The following LPCAT3 variants were observed in gnomAD, a reference collection of about 807,000 sequenced individuals.
LPCAT3 encodes the protein lysophosphatidylcholine acyltransferase 3.
A neutral mutation model predicts 63.4 loss-of-function variants in LPCAT3; 21 were observed. That is an observed-to-expected ratio of 0.33 (90% CI 0.23 to 0.48). The LOEUF (loss-of-function observed/expected upper bound fraction) is 0.48. Ranked by LOEUF, LPCAT3 falls within the 20% of genes least tolerant of loss-of-function variation. The pLI is 0.99. For missense variants in LPCAT3, 451 were observed against 590.6 expected, an observed-to-expected ratio of 0.76 and a Z score of 2.45; for synonymous variants, 242 against 227.5, an observed-to-expected ratio of 1.06 and a Z score of -0.58.
chr12:7,005,646 A>G (rs1555156815), intron 1 of LPCAT3, among the ~76,000 whole-genome samples: 2 of 152,228 alleles, frequency 1.3e-5, no homozygotes, highest in African/African-American at 2.4e-5. Flanking sequence ...GTGAAATGAT[A>G]TATCATTGTG....
At position 6,999,868 on chromosome 12, in the gene LPCAT3, T is replaced by G. The variant is rs138297051; in HGVS notation, c.152-16329A>C. Reference sequence around the variant, plus strand: ...ATTATCTGGGCTTTGGAATCAGAATTATCTAGTTTAAAATTTAGCTCTGCA... The same window carrying G: ...ATTATCTGGGCTTTGGAATCAGAATGATCTAGTTTAAAATTTAGCTCTGCA... On this transcript the variant is annotated intron_variant, in intron 1 of 12. Coordinates refer to ENST00000261407, the MANE Select transcript of LPCAT3 (RefSeq NM_005768.6). 1.7e-3 allele frequency among the ~76,000 whole-genome samples: 258 copies of G among 152,194 alleles called. 1 individual carries two copies. In the South Asian group the frequency reaches 0.031, roughly 18 times the overall value.
At chr12:6,990,916 CA>C (rs59031613) in intron 1 of LPCAT3, among the ~76,000 whole-genome samples, 877 of 68,118 alleles carry the variant, frequency 0.013, 4 homozygotes, top group Non-Finnish European at 0.024. Flanking sequence ...GACTCCAAAT[CA>C]AAAAAAAAAA....
intron 1 of LPCAT3, among the ~76,000 whole-genome samples, chr12:6,989,464 T>C (rs782043752): frequency 3.9e-5 from 6 of 151,980 alleles, no homozygotes; most frequent in South Asian, 4.2e-4. Context: ...GCGCCCGCCA[T>C]CACGCCCAGC....
In LPCAT3 at chr12:6,989,415, T is replaced by C. The variant is rs766916647; in HGVS notation, c.152-5876A>G. 2.2e-3 allele frequency among the ~76,000 whole-genome samples: 334 copies of C among 150,822 alleles called. 1 individual carries two copies. Among genetic ancestry groups the C allele is most frequent in the Non-Finnish European group, 3.5e-3 (235 of 67,722 alleles). ...AGCTCCGCCTCCCGGGTTCACGCCA[T>C]TCTCCTGCCTCAGCCTCTCCGAGTA... On this transcript the variant is annotated intron_variant, in intron 1 of 12. Transcript: ENST00000261407.
intron 1 of LPCAT3, among the ~76,000 whole-genome samples, chr12:7,015,077 C>G (rs1555157506): frequency 6.6e-6 from 1 of 152,152 alleles, no homozygotes; most frequent in East Asian, 1.9e-4. Context: ...CAATGTAAAA[C>G]ATATTTCTTA....
Position 6,987,542 on chromosome 12 carries a change from G to A in LPCAT3, c.152-4003C>T, listed in dbSNP as rs1555154945. On this transcript the variant is annotated intron_variant, in intron 1 of 12. Transcript: ENST00000261407. This position sits in a 1 kb window ranked among gnomAD's most constrained non-coding sequence, Gnocchi z 4.1. ...AGAGCCAGGAACTAGAAAGTATATA[G>A]ACTAAATGTCAATGCCTTCAATCTT... is the stretch of plus-strand genomic sequence containing the variant. 6.6e-6 allele frequency among the ~76,000 whole-genome samples: 1 copy of A among 152,190 alleles called. No individual in the cohort carries two copies. Among genetic ancestry groups the A allele is most frequent in the Non-Finnish European group, 1.5e-5 (1 of 68,032 alleles).
intron 6 of LPCAT3, 70 bp from the exon 7 acceptor site, chr12:6,979,649 G>C (rs1555153820): frequency 2.8e-6 from 3 of 1,070,742 alleles, no homozygotes; most frequent in Admixed American, 1.8e-5. Flanking sequence ...CTGACCTTCA[G>C]TTATGGAGAG....
rs186120411 is a variant in LPCAT3, at chr12:6,982,849, A to G, written c.260-67T>C. 2.7e-4 allele frequency: 271 copies of G among 992,478 alleles called. No individual in the cohort carries two copies. The African/African-American group carries it at 3.8e-3, about 14-fold the overall frequency. 61.5% of individuals were successfully genotyped at this position (992,478 alleles called of 1,614,324 possible). On this transcript the variant is annotated intron_variant, in intron 2 of 12. Transcript: ENST00000261407. Reference sequence around the variant, plus strand: ...CCACCGTCCTGAGACTTCCAATCACAACGTAATATATAAAGAAAAAATGTT... The same window carrying G: ...CCACCGTCCTGAGACTTCCAATCACGACGTAATATATAAAGAAAAAATGTT...
At chr12:7,016,021 T>C (rs782739847) in intron 1 of LPCAT3, among the ~76,000 whole-genome samples, 2 of 152,196 alleles carry the variant, frequency 1.3e-5, no homozygotes, top group African/African-American at 2.4e-5. Flanking sequence ...TTGCCCCTTA[T>C]AACTGGTTGC....
intron 1 of LPCAT3, among the ~76,000 whole-genome samples, chr12:7,005,947 G>C (rs1229553527): frequency 1.3e-5 from 2 of 152,088 alleles, no homozygotes; most frequent in Non-Finnish European, 2.9e-5. Flanking sequence ...GATCATACCA[G>C]CTGGAAATCT....
chr12:7,005,487 C>T (rs1393905546), intron 1 of LPCAT3, among the ~76,000 whole-genome samples: 1 of 152,218 alleles, frequency 6.6e-6, no homozygotes, highest in Non-Finnish European at 1.5e-5. Context: ...CATATGGTAA[C>T]TGTGAACTTT....
chr12:7,013,326 G>C (rs1946777863), intron 1 of LPCAT3, among the ~76,000 whole-genome samples: 1 of 152,214 alleles, frequency 6.6e-6, no homozygotes, highest in Non-Finnish European at 1.5e-5. Flanking sequence ...GCAGCAGGCA[G>C]GGGCTTACCA....
At chr12:6,981,706 GC>G in intron 4 of LPCAT3, 74 bp from the exon 5 acceptor site, 1 of 1,261,010 alleles carries the variant, frequency 7.9e-7, no homozygotes, top group Non-Finnish European at 1.1e-6. Flanking sequence ...ACTGAGTGCA[GC>G]CAGAAGTGTA....
chr12:6,978,954 A>G, intron 7 of LPCAT3: 1 of 452,434 alleles, frequency 2.2e-6, no homozygotes, highest in Non-Finnish European at 3.9e-6. Flanking sequence ...CTTCGTTGGC[A>G]AAGTGTTTGG....
intron 1 of LPCAT3, among the ~76,000 whole-genome samples, chr12:6,985,444 G>A (rs1398752569): frequency 1.3e-5 from 2 of 151,814 alleles, no homozygotes; most frequent in Admixed American, 1.3e-4. Flanking sequence ...CTGGTGCAGT[G>A]GCTCACGCCT....
rs188996275 is a variant in LPCAT3, at chr12:6,979,462, G to A, written c.786+9C>T. The A allele has an allele frequency of 1.9e-6, 3 of 1,586,074 alleles. No individual in the cohort carries two copies. In the African/African-American group the frequency reaches 4.0e-5, roughly 21 times the overall value. ...CAGTCATGCTGCTGCTGCTTTAGTA[G>A]ACACTCACGTCATAGTCTTCAGTGA... is the stretch of plus-strand genomic sequence containing the variant. On this transcript the variant is annotated intron_variant, in intron 7 of 12. Coordinates refer to ENST00000261407, the MANE Select transcript of LPCAT3 (RefSeq NM_005768.6).
chr12:6,991,129 C>T (rs1278046356), intron 1 of LPCAT3, among the ~76,000 whole-genome samples: 1 of 152,110 alleles, frequency 6.6e-6, no homozygotes, highest in Non-Finnish European at 1.5e-5. Flanking sequence ...AAATTTATGG[C>T]CTCTGTCTGA....
rs965257672 is a variant in LPCAT3, at chr12:6,977,952, G to A, written c.1041-207C>T. On this transcript the variant is annotated intron_variant, in intron 9 of 12. Coordinates refer to ENST00000261407, the MANE Select transcript of LPCAT3 (RefSeq NM_005768.6). This position sits in a 1 kb window ranked among gnomAD's most constrained non-coding sequence, Gnocchi z 4.5. The stretch of plus-strand genomic sequence containing the variant: ...GCGGAGCTGGAGACCGTGTGCGCAC[G>A]AGCCACTTGGTTCAGCAGCAGTGAC... 1.0e-5 allele frequency: 6 copies of A among 600,992 alleles called. No individual in the cohort carries two copies. Among genetic ancestry groups the A allele is most frequent in the Admixed American group, 3.0e-5 (1 of 33,076 alleles). 37.2% of individuals were successfully genotyped at this position (600,992 alleles called of 1,614,324 possible).
chr12:7,001,329 C>T, intron 1 of LPCAT3: 1 of 410,252 alleles, frequency 2.4e-6, no homozygotes, highest in South Asian at 1.7e-5. Context: ...TATTCTTTTT[C>T]TTAAAGAAGA....
Sources: gnomAD v4.1 joint callset for allele counts (sites outside exome capture counted in the v4.1 genomes callset) on GRCh38, gnomAD v4.1.1 for gene constraint, Gnocchi (gnomAD v3.1) non-coding constraint, MANE v1.5 for transcripts, NCBI Gene and HGNC (gene_info 2026-07-23, HGNC 2026-07-21) for gene names.